The following TMEM87A variants were observed in gnomAD, a reference collection of about 807,000 sequenced individuals.
The protein encoded by TMEM87A is Golgi-pH regulating cation channel.
In TMEM87A, 50 loss-of-function variants were observed where a neutral mutation model predicts 90.0. The ratio of observed to expected loss-of-function variants is 0.56; its 90% CI spans 0.44 to 0.70. The LOEUF (loss-of-function observed/expected upper bound fraction) is 0.70, where lower values mean the gene tolerates loss of function less well. Ranked by LOEUF, TMEM87A falls within the 30% of genes least tolerant of loss-of-function variation. The pLI is 0.00. For synonymous variants in TMEM87A, 226 were observed against 226.7 expected (o/e 1.00, Z 0.03); for missense variants, 577 against 660.5 (o/e 0.87, Z 1.39).
At chr15:42,272,771 C>T in intron 1 of TMEM87A, 1 of 365,296 alleles carries the variant, frequency 2.7e-6, no homozygotes, top group Non-Finnish European at 5.3e-6. Context: ...CACAGTAAAG[C>T]TTAGAATAGC....
At chr15:42,220,526 T>C (rs2050459293) in intron 15 of TMEM87A, among the ~76,000 whole-genome samples, 1 of 152,230 alleles carries the variant, frequency 6.6e-6, no homozygotes, top group Non-Finnish European at 1.5e-5. Context: ...CAACAAATGT[T>C]CATTCATAAG....
Position 42,211,711 on chromosome 15 carries a change from C to T in TMEM87A, c.1665G>A (p.Glu555=), listed in dbSNP as rs746602219. ...MITHFERSKM[E] ...TAACTGCAAATCTTCCCATTCCTTA[C>T]TCCATTTTGGACCTTTCAAAGTGTG... is the stretch of plus-strand genomic sequence containing the variant. The change falls in exon 20 of 20, where the codon GAG becomes GAA. Residue 555 remains glutamate, a synonymous_variant. Coordinates refer to ENST00000389834, the MANE Select transcript of TMEM87A (RefSeq NM_015497.5). 1.9e-6 allele frequency: 3 copies of T among 1,612,918 alleles called. No homozygotes were observed. Among genetic ancestry groups the T allele is most frequent in the Non-Finnish European group, 2.5e-6 (3 of 1,179,638 alleles).
At chr15:42,231,867 T>C (rs1630294) in intron 11 of TMEM87A, 1,253,361 of 1,277,608 alleles carry the variant, frequency 0.98, 616,346 homozygotes, top group Non-Finnish European at 1. Context: ...CAGGCGTCAA[T>C]TGCTGAGAGG....
intron 7 of TMEM87A, among the ~76,000 whole-genome samples, chr15:42,241,885 T>C (rs2140948502): frequency 6.6e-6 from 1 of 150,734 alleles, no homozygotes; most frequent in African/African-American, 2.4e-5. Flanking sequence ...ATTTAGTAGG[T>C]TGTAAAAACA....
Position 42,268,017 on chromosome 15 carries a change from C to A in TMEM87A, c.221G>T (p.Cys74Phe). The A allele has an allele frequency of 6.2e-7, 1 of 1,612,746 alleles. No individual in the cohort carries two copies. Among genetic ancestry groups the A allele is most frequent in the Non-Finnish European group, 8.5e-7 (1 of 1,179,358 alleles). Reference protein sequence around the residue: ...TIFLKFDGEPCDLSLNITWYL... With the variant: ...TIFLKFDGEPFDLSLNITWYL... Reference sequence around the variant, plus strand: ...CCAGGTTATATTCAAAGACAGGTCACAAGGTTCTCCATCAACTACAAAAGA... The same window carrying A: ...CCAGGTTATATTCAAAGACAGGTCAAAAGGTTCTCCATCAACTACAAAAGA... Residue 74 changes from cysteine to phenylalanine, a missense_variant, in exon 3 of 20, where the codon TGT becomes TTT. Cys to Phe is a radical substitution (Grantham distance 205). Coordinates refer to ENST00000389834, the MANE Select transcript of TMEM87A (RefSeq NM_015497.5).
chr15:42,237,473 A>AAG lies in TMEM87A; in HGVS notation c.825_826dup (p.Phe276SerfsTer20). On this transcript the variant is annotated frameshift_variant, in exon 9 of 20. Transcript: ENST00000389834. LOFTEE classifies it high-confidence loss of function. ...TCGGATATTCTGAAATTCCGCATAG[A>AAG]AGACAGCTTTCTCAAGCATTCCCAG... 6.2e-7 allele frequency: 1 copy of AAG among 1,614,080 alleles called. No homozygotes were observed. The highest frequency in any genetic ancestry group is 8.5e-7 in the Non-Finnish European group (1 of 1,180,010).
intron 11 of TMEM87A, among the ~76,000 whole-genome samples, chr15:42,232,604 G>T (rs922075633): frequency 2.8e-4 from 42 of 151,702 alleles, no homozygotes; most frequent in African/African-American, 1.0e-3. Context: ...CTCCCAAGTA[G>T]CTGGGACTAC....
intron 8 of TMEM87A, among the ~76,000 whole-genome samples, chr15:42,238,865 C>T (rs1312007536): frequency 6.7e-6 from 1 of 149,170 alleles, no homozygotes; most frequent in Non-Finnish European, 1.5e-5. Flanking sequence ...CATCTAGAGG[C>T]AAGGAAACAC....
intron 8 of TMEM87A, among the ~76,000 whole-genome samples, chr15:42,238,987 G>A (rs2050824674): frequency 6.6e-6 from 1 of 151,888 alleles, no homozygotes; most frequent in African/African-American, 2.4e-5. Context: ...ACACATACAT[G>A]TATGTGCACA....
intron 6 of TMEM87A, among the ~76,000 whole-genome samples, chr15:42,249,118 A>G (rs951256522): frequency 1.4e-4 from 21 of 152,090 alleles, no homozygotes; most frequent in African/African-American, 5.1e-4. Flanking sequence ...TTTCTGTGGG[A>G]TCAGTAGTGA....
chr15:42,228,825 T>A lies in TMEM87A; in HGVS notation c.1132-5A>T. On this transcript the variant is annotated splice_polypyrimidine_tract_variant and splice_region_variant and intron_variant, in intron 12 of 19. Coordinates refer to ENST00000389834, the MANE Select transcript of TMEM87A (RefSeq NM_015497.5). ...TTGAGTCAGGCTAATAAATATGTGT[T>A]TGCAGGTCAAGGAATTCAACATTCA... 6.4e-7 allele frequency: 1 copy of A among 1,562,796 alleles called. No homozygotes were observed. Among genetic ancestry groups the A allele is most frequent in the Non-Finnish European group, 8.6e-7 (1 of 1,158,562 alleles).
chr15:42,257,825 A>ATT, intron 6 of TMEM87A: 3 of 725,200 alleles, frequency 4.1e-6, no homozygotes, highest in Non-Finnish European at 5.1e-6. Context: ...GTAGTATTCA[A>ATT]TGTACCAATT....
chr15:42,263,917 CA>C (rs1402340679), intron 4 of TMEM87A, among the ~76,000 whole-genome samples, 172 bp downstream of exon 4: 2 of 152,176 alleles, frequency 1.3e-5, no homozygotes, highest in African/African-American at 4.8e-5. Context: ...AAGCAAAGTA[CA>C]ACCTCTCTTT....
chr15:42,258,792 A>G (rs2051231084), intron 6 of TMEM87A: 1 of 1,448,856 alleles, frequency 6.9e-7, no homozygotes, highest in African/African-American at 1.4e-5. Flanking sequence ...ATTCAGTTAA[A>G]ATTCTGTACA....
intron 15 of TMEM87A, among the ~76,000 whole-genome samples, chr15:42,223,309 T>C (rs2050530684): frequency 6.6e-6 from 1 of 152,098 alleles, no homozygotes; most frequent in Non-Finnish European, 1.5e-5. Flanking sequence ...GGGAGGATCA[T>C]TTGAGCCCAG....
intron 2 of TMEM87A, among the ~76,000 whole-genome samples, chr15:42,270,926 A>G (rs2051509867): frequency 6.6e-6 from 1 of 152,276 alleles, no homozygotes; most frequent in South Asian, 2.1e-4. Context: ...ACTTCCCCAC[A>G]GTCTATGCAA....
intron 6 of TMEM87A, among the ~76,000 whole-genome samples, chr15:42,248,781 G>T (rs1314837642): frequency 6.6e-6 from 1 of 152,142 alleles, no homozygotes; most frequent in Non-Finnish European, 1.5e-5. Flanking sequence ...TTTGGTATCA[G>T]GATGATGCTG....
chr15:42,261,084 G>C lies in TMEM87A; in HGVS notation c.460-82C>G, dbSNP rs908423541. 14 of 1,521,852 alleles carry C rather than the reference G, an allele frequency of 9.2e-6. No individual in the cohort carries two copies. The African/African-American group carries it at 1.5e-4, about 17-fold the overall frequency. 94.3% of individuals were successfully genotyped at this position (1,521,852 alleles called of 1,614,324 possible). On this transcript the variant is annotated intron_variant, in intron 5 of 19. Transcript: ENST00000389834. ...CCAAGTTCCTGTAGCCACTGGGGAA[G>C]CCTGCTCCCCAGGTGCAGCACTCCC...
chr15:42,218,963 T>C (rs565898633), intron 17 of TMEM87A: 1 of 153,058 alleles, frequency 6.5e-6, no homozygotes, highest in East Asian at 1.9e-4. Context: ...GGTAGTTCTA[T>C]TTTTAATTTT....
Sources: gnomAD v4.1 joint callset for allele counts (sites outside exome capture counted in the v4.1 genomes callset) on GRCh38, gnomAD v4.1.1 for gene constraint, MANE v1.5 for transcripts, NCBI Gene and HGNC (gene_info 2026-07-23, HGNC 2026-07-21) for gene names.